Variants in BBS9 observed in about 807,000 individuals in gnomAD.
BBS9 encodes protein PTHB1.
In BBS9, 89 loss-of-function variants were observed where a neutral mutation model predicts 117.7. The ratio of observed to expected loss-of-function variants is 0.76; its 90% CI spans 0.64 to 0.90. The LOEUF is 0.90. Ranked by LOEUF, BBS9 falls within the 40% of genes least tolerant of loss-of-function variation. The probability of loss-of-function intolerance (pLI) is 0.00; values close to 1 mark genes in which losing one functional copy is unlikely to be tolerated. For missense variants in BBS9, 982 were observed against 1,042.2 expected (o/e 0.94, Z 0.80); for synonymous variants, 379 against 370.9 (o/e 1.02, Z -0.25).
chr7:33,635,678 A>G (rs1866107931), downstream of BBS9, among the ~76,000 whole-genome samples: 1 of 152,232 alleles, frequency 6.6e-6, no homozygotes, highest in African/African-American at 2.4e-5. Context: ...GTATCCAAAT[A>G]TAGGCGAGTG....
At chr7:33,522,092 C>A (rs888240745) in intron 20 of BBS9, among the ~76,000 whole-genome samples, 1 of 151,784 alleles carries the variant, frequency 6.6e-6, no homozygotes, top group African/African-American at 2.4e-5. Flanking sequence ...TTTTTTATGG[C>A]TGCATAGTAT....
chr7:33,451,836 A>AT (rs1008109042), intron 19 of BBS9, among the ~76,000 whole-genome samples: 30 of 149,448 alleles, frequency 2.0e-4, no homozygotes, highest in Admixed American at 1.3e-3. Flanking sequence ...CATTGGGAAC[A>AT]TTTTTTTTTT....
intron 19 of BBS9, among the ~76,000 whole-genome samples, chr7:33,482,307 G>A (rs980045082): frequency 5.3e-5 from 8 of 152,176 alleles, no homozygotes; most frequent in African/African-American, 1.9e-4. Flanking sequence ...TGTTGCCTTG[G>A]ATGGGGGAAC....
intron 5 of BBS9, among the ~76,000 whole-genome samples, chr7:33,181,090 G>A (rs994564051): frequency 2.0e-5 from 3 of 152,108 alleles, no homozygotes; most frequent in Non-Finnish European, 1.5e-5. Context: ...TCCTATCTGC[G>A]ATTCCGTGGT....
rs746350088 is a variant in BBS9, at chr7:33,601,289, C to T, written c.2522-3576C>T. On this transcript the variant is annotated intron_variant, in intron 21 of 22. Coordinates refer to ENST00000242067, the MANE Select transcript of BBS9 (RefSeq NM_198428.3). ...AGTTCTGCTTGTCCTTGCCTGAGGGCTCATTTGTGTCACACTTGCCATTGT... is the reference window on the plus strand; with the variant it reads ...AGTTCTGCTTGTCCTTGCCTGAGGGTTCATTTGTGTCACACTTGCCATTGT... 1.8e-4 allele frequency among the ~76,000 whole-genome samples: 27 copies of T among 152,094 alleles called. No individual in the cohort carries two copies. In the South Asian group the frequency reaches 2.3e-3, roughly 13 times the overall value.
chr7:33,545,924 C>CTTTTTT (rs10537037), intron 21 of BBS9, among the ~76,000 whole-genome samples: 6 of 64,580 alleles, frequency 9.3e-5, no homozygotes, highest in African/African-American at 3.2e-4. Flanking sequence ...CTTTATAATC[C>CTTTTTT]TTTTTTTTTT....
At chr7:33,177,122 T>C (rs1009584727) in intron 4 of BBS9, among the ~76,000 whole-genome samples, 4 of 152,182 alleles carry the variant, frequency 2.6e-5, no homozygotes, top group Non-Finnish European at 5.9e-5. Flanking sequence ...TTCTTTGCTC[T>C]ATTAATGTTT....
intron 5 of BBS9, among the ~76,000 whole-genome samples, chr7:33,251,518 G>A (rs1796222412): frequency 6.6e-6 from 1 of 152,070 alleles, no homozygotes; most frequent in Non-Finnish European, 1.5e-5. Flanking sequence ...CTAGATGAGG[G>A]GGAGAAAAGT....
intron 20 of BBS9, among the ~76,000 whole-genome samples, chr7:33,511,836 A>G (rs933652145): frequency 4.6e-5 from 7 of 152,210 alleles, no homozygotes; most frequent in African/African-American, 1.2e-4. Context: ...AGGTTTAAAG[A>G]CTTCTACGTC....
chr7:33,178,140 G>A (rs1023947640), intron 5 of BBS9, among the ~76,000 whole-genome samples: 9 of 152,226 alleles, frequency 5.9e-5, no homozygotes, highest in African/African-American at 1.9e-4. Flanking sequence ...TGGGGCTGCT[G>A]TACAGGGTTG....
intron 9 of BBS9, among the ~76,000 whole-genome samples, chr7:33,315,119 C>T (rs893815182): frequency 3.9e-5 from 6 of 152,148 alleles, no homozygotes; most frequent in African/African-American, 1.2e-4. Flanking sequence ...CAAATTACAA[C>T]GAAGTTGGTG....
intron 5 of BBS9, among the ~76,000 whole-genome samples, chr7:33,233,285 G>A (rs2128263767): frequency 6.6e-6 from 1 of 151,842 alleles, no homozygotes; most frequent in Admixed American, 6.6e-5. Context: ...TTTTCTCTTA[G>A]AATGTACCAT....
chr7:33,530,090 G>A (rs1315796420), intron 20 of BBS9, among the ~76,000 whole-genome samples: 1 of 152,170 alleles, frequency 6.6e-6, no homozygotes, highest in Non-Finnish European at 1.5e-5. Context: ...TGTTTGATCA[G>A]TGAATTATCA....
chr7:33,224,627 AACTT>A (rs1396445664), intron 5 of BBS9, among the ~76,000 whole-genome samples: 1 of 152,130 alleles, frequency 6.6e-6, no homozygotes, highest in Non-Finnish European at 1.5e-5. Flanking sequence ...TCTTCTCCCT[AACTT>A]ACTTGTCGAA....
intron 9 of BBS9, among the ~76,000 whole-genome samples, chr7:33,323,554 T>TC (rs1408885200): frequency 6.6e-6 from 1 of 152,152 alleles, no homozygotes; most frequent in East Asian, 1.9e-4. Flanking sequence ...TAAGTATAGC[T>TC]ACTCTTTGTC....
At position 33,340,989 on chromosome 7, in the gene BBS9, G is replaced by A; in HGVS notation, c.1275+16G>A. The A allele has an allele frequency of 6.2e-7, 1 of 1,604,742 alleles. No individual in the cohort carries two copies. The highest frequency in any genetic ancestry group is 8.5e-7 in the Non-Finnish European group (1 of 1,171,654). On this transcript the variant is annotated intron_variant, in intron 11 of 22. Transcript: ENST00000242067. ...TTCAGTTTCTGTAGGTGTACTTGCA[G>A]ATTTTAAAGGGGTTTATAAGAGTGG...
At chr7:33,302,446 A>G (rs571347077) in intron 9 of BBS9, among the ~76,000 whole-genome samples, 1 of 152,018 alleles carries the variant, frequency 6.6e-6, no homozygotes, top group South Asian at 2.1e-4. Flanking sequence ...TTTTTATTTG[A>G]TTTTTGTATA....
chr7:33,196,878 A>G (rs1785040539), intron 5 of BBS9, among the ~76,000 whole-genome samples: 1 of 152,160 alleles, frequency 6.6e-6, no homozygotes, highest in Non-Finnish European at 1.5e-5. Flanking sequence ...GATTTCCTGT[A>G]TGTTATGTTG....
chr7:33,432,400 C>G lies in BBS9; in HGVS notation c.2115+44256C>G, dbSNP rs527391668. On this transcript the variant is annotated intron_variant, in intron 19 of 22. Transcript: ENST00000242067. Reference sequence around the variant, plus strand: ...CTGGGATTACAGGCATGAGCCACCGCGCCCAGCTGATTTTTTTTCTTAAAT... The same window carrying G: ...CTGGGATTACAGGCATGAGCCACCGGGCCCAGCTGATTTTTTTTCTTAAAT... 4.9e-4 allele frequency among the ~76,000 whole-genome samples: 75 copies of G among 151,764 alleles called. No individual in the cohort carries two copies. In the East Asian group the frequency reaches 0.013, roughly 26 times the overall value.
Sources: allele counts gnomAD v4.1 joint callset (sites outside exome capture counted in the v4.1 genomes callset), GRCh38; gene constraint gnomAD v4.1.1; transcripts MANE v1.5; gene names NCBI Gene and HGNC (gene_info 2026-07-23, HGNC 2026-07-21).